The following BLTP1 variants were observed in gnomAD, a reference collection of about 807,000 sequenced individuals.
BLTP1 encodes the protein fragile site-associated protein.
the BLTP1 span, chr4:122,261,807 G>A: frequency 1.0e-6 from 1 of 983,400 alleles, no homozygotes; most frequent in East Asian, 1.1e-4. Context: ...CTTATCAAGT[G>A]TTTAATACGT....
the BLTP1 span, chr4:122,277,168 C>T: frequency 1.3e-6 from 1 of 749,684 alleles, no homozygotes; most frequent in South Asian, 6.0e-5. Context: ...GAGACCCTGT[C>T]TCTACAAAAA....
chr4:122,309,053 C>G, the BLTP1 span, among the ~76,000 whole-genome samples: 4 of 151,894 alleles, frequency 2.6e-5, no homozygotes, highest in Non-Finnish European at 5.9e-5. Flanking sequence ...TGTAGATAGC[C>G]CTTTGTATGT....
chr4:122,342,954 C>CT, the BLTP1 span, among the ~76,000 whole-genome samples: 676 of 152,294 alleles, frequency 4.4e-3, 2 homozygotes, highest in African/African-American at 0.015. Context: ...ACTTGGCTCT[C>CT]TAACAGATTT....
the BLTP1 span, chr4:122,229,016 A>G: frequency 1.1e-6 from 1 of 931,980 alleles, no homozygotes; most frequent in Non-Finnish European, 1.5e-6. Flanking sequence ...TTTAAAAAAT[A>G]CATCAATAAC....
chr4:122,267,006 G>A, the BLTP1 span: 10,987 of 845,180 alleles, frequency 0.013, 89 homozygotes, highest in Non-Finnish European at 0.015. Flanking sequence ...ATTATAATAC[G>A]TTTGTTTTTT....
the BLTP1 span, chr4:122,339,180 A>G: frequency 1.2e-6 from 2 of 1,603,072 alleles, no homozygotes; most frequent in Non-Finnish European, 1.7e-6. Flanking sequence ...CAGTTCCTAG[A>G]AACCTTTTGC....
the BLTP1 span, chr4:122,219,532 G>C: frequency 1.3e-5 from 21 of 1,613,786 alleles, no homozygotes; most frequent in Admixed American, 1.7e-5. Flanking sequence ...TACTGTACTT[G>C]TTAATTTGTA....
the BLTP1 span, chr4:122,221,810 A>G: frequency 2.0e-6 from 2 of 984,620 alleles, no homozygotes; most frequent in Non-Finnish European, 2.4e-6. Context: ...TAAAGGGAAA[A>G]GGGAAAGTCT....
chr4:122,211,156 T>G, the BLTP1 span: 2 of 1,425,906 alleles, frequency 1.4e-6, no homozygotes, highest in Non-Finnish European at 9.6e-7. Context: ...TAAAATTTAA[T>G]TGAAAATTGA....
chr4:122,172,704 G>T, the BLTP1 span, among the ~76,000 whole-genome samples: 18 of 152,114 alleles, frequency 1.2e-4, no homozygotes, highest in Non-Finnish European at 2.6e-4. Context: ...GTATAGATGA[G>T]TTTTTGGCCT....
At chr4:122,293,884 C>T in the BLTP1 span, among the ~76,000 whole-genome samples, 13 of 152,102 alleles carry the variant, frequency 8.5e-5, no homozygotes, top group South Asian at 2.5e-3. Flanking sequence ...CCTGCCTGCT[C>T]CAGGGAGTCC....
At chr4:122,272,523 A>T in the BLTP1 span, 34 of 799,636 alleles carry the variant, frequency 4.3e-5, no homozygotes, top group East Asian at 8.7e-4. Flanking sequence ...TTTTTCCCAG[A>T]AAAACTGGAC....
the BLTP1 span, chr4:122,214,344 C>T: frequency 1.5e-5 from 14 of 927,782 alleles, no homozygotes; most frequent in East Asian, 7.0e-4. Flanking sequence ...TTCATAAATT[C>T]AAGCATAATG....
chr4:122,351,809 C>CA, the BLTP1 span, among the ~76,000 whole-genome samples: 5 of 151,712 alleles, frequency 3.3e-5, no homozygotes, highest in African/African-American at 1.2e-4. Flanking sequence ...CTCCTCGTCA[C>CA]AAAAAACAAA....
chr4:122,257,136 T>C, the BLTP1 span: 1 of 1,075,218 alleles, frequency 9.3e-7, no homozygotes, highest in Admixed American at 2.3e-5. Flanking sequence ...ACATCTAAGT[T>C]TTAATTTCTT....
chr4:122,237,991 A>AC, the BLTP1 span: 1 of 1,326,032 alleles, frequency 7.5e-7, no homozygotes. Context: ...CAAAAAAAAA[A>AC]AAAAAAAAAA....
At chr4:122,336,560 C>G in the BLTP1 span, 5,590 of 779,786 alleles carry the variant, frequency 7.2e-3, 34 homozygotes, top group South Asian at 0.032. Flanking sequence ...CATAACTTTC[C>G]CATGGCCCCA....
chr4:122,195,635 A>G, the BLTP1 span: 1 of 497,126 alleles, frequency 2.0e-6, no homozygotes, highest in Non-Finnish European at 2.6e-6. Context: ...CTTCAGGTCT[A>G]CTGCCCTTCT....
At chr4:122,280,131 G>A in the BLTP1 span, 1 of 1,488,758 alleles carries the variant, frequency 6.7e-7, no homozygotes, top group Non-Finnish European at 8.9e-7. Flanking sequence ...GTAGCCAATT[G>A]TGATCATGTG....
Sources: allele counts gnomAD v4.1 joint callset (sites outside exome capture counted in the v4.1 genomes callset), GRCh38; gene constraint gnomAD v4.1.1; transcripts MANE v1.5; gene names NCBI Gene and HGNC (gene_info 2026-07-23, HGNC 2026-07-21).